Variants in SLC24A2 observed in about 807,000 individuals in gnomAD.
SLC24A2 encodes the protein solute carrier family 24 member 2.
In SLC24A2, 36 loss-of-function variants were observed where a neutral mutation model predicts 62.0. The observed-to-expected ratio is 0.58, with a 90% confidence interval of 0.44 to 0.77. The LOEUF (loss-of-function observed/expected upper bound fraction) is 0.77, where lower values mean the gene tolerates loss of function less well. SLC24A2 is among the 30% of genes least tolerant of loss of function. SLC24A2 has a pLI of 0.00. For missense variants in SLC24A2, 846 were observed against 817.9 expected, an observed-to-expected ratio of 1.03 and a Z score of -0.42; for synonymous variants, 358 against 294.0, an observed-to-expected ratio of 1.22 and a Z score of -2.23.
rs1054578490 is a variant in SLC24A2 at position 19,515,784 on chromosome 9, G to C, written c.*369C>G. On this transcript the variant is annotated 3_prime_UTR_variant, in exon 11 of 11. Transcript: ENST00000341998. Reference sequence around the variant, plus strand: ...AAGGAGAGGTATAGTACAGGAACAGGCAGGATTTGTGTGTTCATGTGCGTA... The same window carrying C: ...AAGGAGAGGTATAGTACAGGAACAGCCAGGATTTGTGTGTTCATGTGCGTA... 4.2e-5 allele frequency: 13 copies of C among 309,906 alleles called. No homozygotes were observed. The highest frequency in any genetic ancestry group is 7.0e-5 in the Non-Finnish European group (11 of 157,330). 19.2% of individuals were successfully genotyped at this position (309,906 alleles called of 1,614,324 possible).
chr9:20,287,107 C>T, the SLC24A2 span, among the ~76,000 whole-genome samples: 33 of 152,268 alleles, frequency 2.2e-4, no homozygotes, highest in Admixed American at 7.2e-4. Flanking sequence ...AGCTGCATTC[C>T]GGGAAACATT....
the SLC24A2 span, chr9:19,927,323 G>C: frequency 6.6e-6 from 1 of 152,178 alleles, no homozygotes; most frequent in Non-Finnish European, 1.5e-5. Context: ...GCCTGCCTAG[G>C]TTTACATCCC....
chr9:19,745,290 T>G (rs151304456), intron 2 of SLC24A2, among the ~76,000 whole-genome samples: 1 of 152,188 alleles, frequency 6.6e-6, no homozygotes, highest in Admixed American at 6.6e-5. Context: ...CAATTAAACC[T>G]CTTTTCTTTG....
chr9:20,163,603 A>C, the SLC24A2 span, among the ~76,000 whole-genome samples: 1 of 152,150 alleles, frequency 6.6e-6, no homozygotes, highest in Non-Finnish European at 1.5e-5. Flanking sequence ...GCTACCAATG[A>C]CTTTCTTCAC....
the SLC24A2 span, among the ~76,000 whole-genome samples, chr9:19,952,176 C>T: frequency 6.6e-5 from 10 of 151,956 alleles, no homozygotes; most frequent in Admixed American, 5.9e-4. Context: ...ATGTTGTATC[C>T]TGTATCCTTA....
the SLC24A2 span, among the ~76,000 whole-genome samples, chr9:20,106,812 C>T: frequency 6.6e-6 from 1 of 152,084 alleles, no homozygotes. Context: ...CCTCTCTCAC[C>T]ACTCCTATTC....
chr9:20,172,984 A>G, the SLC24A2 span, among the ~76,000 whole-genome samples: 3 of 152,124 alleles, frequency 2.0e-5, no homozygotes, highest in African/African-American at 7.2e-5. Context: ...ATAATCCACC[A>G]CGATCAAGTG....
the SLC24A2 span, among the ~76,000 whole-genome samples, chr9:20,267,300 C>T: frequency 6.6e-6 from 1 of 152,158 alleles, no homozygotes; most frequent in Admixed American, 6.5e-5. Flanking sequence ...CTCTAACCCC[C>T]ACACCAACTC....
chr9:19,623,297 C>T (rs542063639), intron 2 of SLC24A2, among the ~76,000 whole-genome samples: 1 of 152,308 alleles, frequency 6.6e-6, no homozygotes, highest in South Asian at 2.1e-4. Context: ...CTTCCCCTGT[C>T]TGGCCTTCTG....
chr9:20,139,819 T>C, the SLC24A2 span, among the ~76,000 whole-genome samples: 1 of 152,132 alleles, frequency 6.6e-6, no homozygotes, highest in African/African-American at 2.4e-5. Context: ...CAGAGAACCA[T>C]TAAATTAAAA....
intron 2 of SLC24A2, among the ~76,000 whole-genome samples, chr9:19,761,068 AT>A (rs1822309745): frequency 1.3e-5 from 2 of 152,330 alleles, no homozygotes; most frequent in South Asian, 2.1e-4. Context: ...TAATAAAAAA[AT>A]AAATTAAATT....
At chr9:19,956,974 C>T in the SLC24A2 span, among the ~76,000 whole-genome samples, 2 of 152,204 alleles carry the variant, frequency 1.3e-5, no homozygotes, top group Non-Finnish European at 2.9e-5. Flanking sequence ...TGGTCTTGGA[C>T]TTCCCAGCCT....
rs925919677 is a variant in SLC24A2 at position 19,760,151 on chromosome 9, T to C, written c.930+25786A>G. The stretch of plus-strand genomic sequence containing the variant: ...AGCTTCTCCAAGTCCCACCAAGACA[T>C]TCACCCATTACCTGTAGCTGGGCAA... On this transcript the variant is annotated intron_variant, in intron 2 of 10. Transcript: ENST00000341998. Among the ~76,000 whole-genome samples the C allele has an allele frequency of 2.0e-5, 3 of 152,098 alleles. No homozygotes were observed. In the East Asian group the frequency reaches 5.8e-4, roughly 29 times the overall value.
the SLC24A2 span, among the ~76,000 whole-genome samples, chr9:19,916,500 T>C: frequency 2.0e-5 from 3 of 152,170 alleles, no homozygotes; most frequent in Admixed American, 2.0e-4. Context: ...TATTGTCAAC[T>C]CACTGTCAAC....
chr9:19,538,740 C>A (rs947713611), intron 8 of SLC24A2, among the ~76,000 whole-genome samples: 1 of 131,362 alleles, frequency 7.6e-6, no homozygotes, highest in South Asian at 2.8e-4. Flanking sequence ...GGGAGGATTC[C>A]CTCTTTTTCT....
intron 8 of SLC24A2, among the ~76,000 whole-genome samples, chr9:19,531,331 G>T (rs150502267): frequency 1.1e-3 from 161 of 152,298 alleles, no homozygotes; most frequent in African/African-American, 3.8e-3. Context: ...TTAGTTACCA[G>T]TGTCATTGGA....
chr9:20,240,578 T>C, the SLC24A2 span, among the ~76,000 whole-genome samples: 1 of 152,136 alleles, frequency 6.6e-6, no homozygotes, highest in Non-Finnish European at 1.5e-5. Context: ...TTAACTTGGA[T>C]GTATTAATGG....
the SLC24A2 span, among the ~76,000 whole-genome samples, chr9:20,109,689 C>CTA: frequency 6.6e-6 from 1 of 152,088 alleles, no homozygotes; most frequent in Non-Finnish European, 1.5e-5. Context: ...GCCCATACAC[C>CTA]TATTCCCTCT....
intron 2 of SLC24A2, chr9:19,705,695 G>A (rs1820493307): frequency 1.1e-5 from 2 of 180,186 alleles, no homozygotes; most frequent in Non-Finnish European, 2.4e-5. Context: ...TATGTACCCA[G>A]TAGTCATTCA....
Sources: gnomAD v4.1 joint callset for allele counts (sites outside exome capture counted in the v4.1 genomes callset) on GRCh38, gnomAD v4.1.1 for gene constraint, MANE v1.5 for transcripts, NCBI Gene and HGNC (gene_info 2026-07-23, HGNC 2026-07-21) for gene names.